The following DACH2 variants were observed in gnomAD, a reference collection of about 807,000 sequenced individuals.
The protein encoded by DACH2 is dachshund homolog 2.
A neutral mutation model predicts 35.8 loss-of-function variants in DACH2; 17 were observed. The observed-to-expected ratio is 0.48, with a 90% CI of 0.33 to 0.71. The LOEUF (loss-of-function observed/expected upper bound fraction) is 0.71. Among genes scored for constraint, DACH2 ranks in the 30% least tolerant of loss-of-function variants. The probability of loss-of-function intolerance (pLI) is 0.02; values close to 1 mark genes in which losing one functional copy is unlikely to be tolerated. For synonymous variants in DACH2, 195 were observed against 177.3 expected, an observed-to-expected ratio of 1.10 and a Z score of -0.79; for missense variants, 469 against 472.7, an observed-to-expected ratio of 0.99 and a Z score of 0.07.
intron 2 of DACH2, among the ~76,000 whole-genome samples, chrX:86,484,829 T>C (rs1444916649): frequency 8.9e-6 from 1 of 112,465 alleles, no homozygotes; most frequent in Non-Finnish European, 1.9e-5. Flanking sequence ...AATGTAATCT[T>C]TGAGCATATT....
At chrX:86,445,533 G>GAAA (rs200382737) in intron 2 of DACH2, among the ~76,000 whole-genome samples, 15 of 23,384 alleles carry the variant, frequency 6.4e-4, no homozygotes, top group Non-Finnish European at 1.3e-3. Context: ...AGAAAAAAAA[G>GAAA]AAAAAAAAAA....
At chrX:86,610,418 T>TTTC (rs1491456126) in intron 3 of DACH2, among the ~76,000 whole-genome samples, 1,425 of 61,684 alleles carry the variant, frequency 0.023, 25 homozygotes, top group East Asian at 0.048. Context: ...TCTTTCTTTC[T>TTTC]TTTCTTTCTT....
chrX:86,375,382 A>T (rs1288916394), intron 1 of DACH2, among the ~76,000 whole-genome samples: 1 of 99,496 alleles, frequency 1.0e-5, no homozygotes, highest in Non-Finnish European at 2.0e-5. Context: ...AATTATATAT[A>T]ATACATATAT....
chrX:86,186,148 A>G (rs897386749), intron 1 of DACH2, among the ~76,000 whole-genome samples: 2 of 112,892 alleles, frequency 1.8e-5, no homozygotes, highest in Non-Finnish European at 3.8e-5. Flanking sequence ...TAATATGTTT[A>G]CTAAAAATCT....
Position 86,156,489 on chromosome X carries a change from A to G in DACH2, c.488+7381A>G, listed in dbSNP as rs761220864. Among the ~76,000 whole-genome samples the G allele has an allele frequency of 3.0e-3, 340 of 111,704 alleles. 1 individual carries two copies. Among genetic ancestry groups the G allele is most frequent in the Non-Finnish European group, 5.2e-3 (275 of 52,786 alleles). Reference sequence around the variant, plus strand: ...TCCTGAAATTTTAAATCCAATATAAAACAATTTGTAATCATGCCATAAACC... The same window carrying G: ...TCCTGAAATTTTAAATCCAATATAAGACAATTTGTAATCATGCCATAAACC... On this transcript the variant is annotated intron_variant, in intron 1 of 11. Coordinates refer to ENST00000373125, the MANE Select transcript of DACH2 (RefSeq NM_053281.3).
chrX:86,516,411 CT>C (rs2038468003), intron 3 of DACH2, among the ~76,000 whole-genome samples: 1 of 110,989 alleles, frequency 9.0e-6, no homozygotes, highest in Non-Finnish European at 1.9e-5. Flanking sequence ...AGGAAAAGCT[CT>C]AATATATATT....
chrX:86,596,386 G>A (rs1374379594), intron 3 of DACH2, among the ~76,000 whole-genome samples: 5 of 110,420 alleles, frequency 4.5e-5, no homozygotes, highest in Non-Finnish European at 3.8e-5. Flanking sequence ...CTTTTCAAAC[G>A]CGTATTTTCT....
chrX:86,485,634 T>A (rs902987840), intron 2 of DACH2, among the ~76,000 whole-genome samples: 1 of 111,821 alleles, frequency 8.9e-6, no homozygotes, highest in Non-Finnish European at 1.9e-5. Context: ...CATAAATATG[T>A]ACAATTACTA....
intron 7 of DACH2, among the ~76,000 whole-genome samples, chrX:86,763,513 G>T (rs1463417486): frequency 1.8e-5 from 2 of 111,963 alleles, no homozygotes; most frequent in Non-Finnish European, 3.8e-5. Context: ...GAGTGCAGTG[G>T]TGCGATCTTG....
In DACH2 at chrX:86,666,021, A is replaced by G. The variant is rs193221418; in HGVS notation, c.772+14854A>G. Among the ~76,000 whole-genome samples the G allele has an allele frequency of 7.1e-3, 786 of 111,362 alleles. 3 individuals are homozygous for G. The highest frequency in any genetic ancestry group is 0.024 in the African/African-American group (747 of 30,625). On this transcript the variant is annotated intron_variant, in intron 4 of 11. Transcript: ENST00000373125. ...CTTTTTTATTTTCAGAAAACTCATC[A>G]TCATCACTATTATATGCTATTTCTA...
intron 2 of DACH2, among the ~76,000 whole-genome samples, chrX:86,440,520 A>T (rs753476515): frequency 1.8e-5 from 2 of 111,434 alleles, no homozygotes; most frequent in Admixed American, 1.9e-4. Context: ...TTAAAATGGA[A>T]TTTTTTGGCA....
chrX:86,784,527 G>A (rs1185056135), intron 7 of DACH2, among the ~76,000 whole-genome samples: 1 of 112,187 alleles, frequency 8.9e-6, no homozygotes, highest in Non-Finnish European at 1.9e-5. Flanking sequence ...TACACTGCTG[G>A]TGGGAATTTA....
chrX:86,421,172 T>A (rs1569392627), intron 2 of DACH2, among the ~76,000 whole-genome samples: 2 of 111,937 alleles, frequency 1.8e-5, no homozygotes, highest in East Asian at 2.8e-4. Context: ...TTATGGCACC[T>A]CTTTATAGAA....
chrX:86,734,960 A>G (rs751463798), intron 6 of DACH2, among the ~76,000 whole-genome samples: 12 of 111,796 alleles, frequency 1.1e-4, no homozygotes, highest in Admixed American at 4.8e-4. Context: ...GCCACTCCTC[A>G]GTAGCAAAAT....
intron 1 of DACH2, among the ~76,000 whole-genome samples, chrX:86,307,459 C>T (rs938359216): frequency 9.0e-6 from 1 of 111,518 alleles, no homozygotes; most frequent in African/African-American, 3.3e-5. Context: ...AAGCTGGGGA[C>T]ACTGTGTTTG....
chrX:86,454,589 G>T, intron 2 of DACH2, among the ~76,000 whole-genome samples: 1 of 112,240 alleles, frequency 8.9e-6, no homozygotes, highest in East Asian at 2.8e-4. Context: ...ATTGCATTGT[G>T]AAATTCTTGT....
intron 4 of DACH2, among the ~76,000 whole-genome samples, chrX:86,654,385 A>G (rs745647066): frequency 1.8e-5 from 2 of 110,083 alleles, no homozygotes; most frequent in South Asian, 7.9e-4. Flanking sequence ...GAGCAATTAA[A>G]GAGGAAAATT....
At chrX:86,211,611 G>T (rs1462847585) in intron 1 of DACH2, among the ~76,000 whole-genome samples, 1 of 111,190 alleles carries the variant, frequency 9.0e-6, no homozygotes, top group Non-Finnish European at 1.9e-5. Context: ...AGCAATCATT[G>T]GTATTCATAG....
chrX:86,310,585 G>A (rs1406400872), intron 1 of DACH2, among the ~76,000 whole-genome samples: 1 of 111,999 alleles, frequency 8.9e-6, no homozygotes, highest in Non-Finnish European at 1.9e-5. Flanking sequence ...GCAGAACTTT[G>A]AGCAGTGCAC....
Sources: allele counts gnomAD v4.1 joint callset (sites outside exome capture counted in the v4.1 genomes callset), GRCh38; gene constraint gnomAD v4.1.1; transcripts MANE v1.5; gene names NCBI Gene and HGNC (gene_info 2026-07-23, HGNC 2026-07-21).